PIP4K2B: variants seen among roughly 807,000 people sequenced by gnomAD.
PIP4K2B encodes the protein phosphatidylinositol-5-phosphate 4-kinase type 2 beta, also known as phosphatidylinositol 5-phosphate 4-kinase type-2 beta.
In PIP4K2B, 3 loss-of-function variants were observed where a neutral mutation model predicts 42.0. That is an observed-to-expected ratio of 0.07 (90% confidence interval 0.03 to 0.18). PIP4K2B has a LOEUF of 0.18. PIP4K2B is among the 10% of genes least tolerant of loss of function. PIP4K2B has a pLI of 1.00. For synonymous variants in PIP4K2B, 204 were observed against 210.1 expected (o/e 0.97, Z 0.25); for missense variants, 332 against 562.3 (o/e 0.59, Z 4.14).
At chr17:38,796,371 G>A (rs1910662735) in intron 1 of PIP4K2B, among the ~76,000 whole-genome samples, 1 of 152,134 alleles carries the variant, frequency 6.6e-6, no homozygotes, top group Non-Finnish European at 1.5e-5. Context: ...TCTGATCCCT[G>A]TGGTAAGGCT....
At chr17:38,790,651 G>T (rs1212542775) in intron 1 of PIP4K2B, among the ~76,000 whole-genome samples, 1 of 152,128 alleles carries the variant, frequency 6.6e-6, no homozygotes, top group Admixed American at 6.6e-5. Context: ...TAAAGATGGG[G>T]TTTCACCATG....
intron 1 of PIP4K2B, among the ~76,000 whole-genome samples, chr17:38,795,115 A>AG (rs1910581057): frequency 6.6e-6 from 1 of 150,698 alleles, no homozygotes; most frequent in East Asian, 1.9e-4. Context: ...AAAAAAAAAA[A>AG]AAAAAAAAAG....
intron 7 of PIP4K2B, among the ~76,000 whole-genome samples, chr17:38,776,995 C>T (rs1410306494): frequency 6.6e-6 from 1 of 152,130 alleles, no homozygotes; most frequent in Non-Finnish European, 1.5e-5. Context: ...CTGCCAGGCT[C>T]CAGTGATCCT....
At chr17:38,793,239 A>AT (rs1350888965) in intron 1 of PIP4K2B, among the ~76,000 whole-genome samples, 25 of 120,562 alleles carry the variant, frequency 2.1e-4, no homozygotes, top group African/African-American at 5.3e-4. Context: ...ATCTCTGAAG[A>AT]TTTTTTCTTT....
At chr17:38,786,621 T>C (rs1327441440) in intron 2 of PIP4K2B, among the ~76,000 whole-genome samples, 2 of 152,200 alleles carry the variant, frequency 1.3e-5, no homozygotes, top group African/African-American at 4.8e-5. Context: ...AGGCTGATAA[T>C]AGAGTGAGAC....
intron 1 of PIP4K2B, among the ~76,000 whole-genome samples, chr17:38,795,099 C>CAAAAAAAAAAA (rs61707682): frequency 3.9e-4 from 16 of 41,492 alleles, no homozygotes; most frequent in African/African-American, 4.3e-4. Flanking sequence ...AACTCCATCT[C>CAAAAAAAAAAA]AAAAAAAAAA....
chr17:38,788,177 A>AATTTATTTATTT (rs56975985), intron 1 of PIP4K2B, among the ~76,000 whole-genome samples: 389 of 144,418 alleles, frequency 2.7e-3, no homozygotes, highest in East Asian at 6.5e-3. Flanking sequence ...TAATAGATTA[A>AATTTATTTATTT]ATTTATTTAT....
chr17:38,777,111 C>A (rs1444554311), intron 7 of PIP4K2B, among the ~76,000 whole-genome samples: 1 of 152,164 alleles, frequency 6.6e-6, no homozygotes, highest in Non-Finnish European at 1.5e-5. Context: ...GTTGCCCAGG[C>A]TGGAGTGTAG....
At chr17:38,796,364 G>A (rs1910662352) in intron 1 of PIP4K2B, among the ~76,000 whole-genome samples, 1 of 152,124 alleles carries the variant, frequency 6.6e-6, no homozygotes, top group African/African-American at 2.4e-5. Flanking sequence ...CTGCTCCTCT[G>A]ATCCCTGTGG....
chr17:38,793,925 A>G (rs760719999), intron 1 of PIP4K2B, among the ~76,000 whole-genome samples: 1 of 152,178 alleles, frequency 6.6e-6, no homozygotes, highest in South Asian at 2.1e-4. Flanking sequence ...TGGACAGAAC[A>G]GAACTGGGGT....
chr17:38,787,434 C>T (rs1910092275), intron 1 of PIP4K2B, among the ~76,000 whole-genome samples: 1 of 152,208 alleles, frequency 6.6e-6, no homozygotes, highest in African/African-American at 2.4e-5. Context: ...ATGAAGTTTT[C>T]CAAGATTCTC....
At chr17:38,773,854 AC>A (rs1460455646) in intron 7 of PIP4K2B, among the ~76,000 whole-genome samples, 1 of 152,194 alleles carries the variant, frequency 6.6e-6, no homozygotes. Context: ...CATGCCCTCC[AC>A]CCACCTGAGA....
chr17:38,777,359 T>C (rs918129032), intron 7 of PIP4K2B, among the ~76,000 whole-genome samples: 2 of 152,178 alleles, frequency 1.3e-5, no homozygotes, highest in Non-Finnish European at 2.9e-5. Flanking sequence ...AATAGCTGGG[T>C]TCCTACAGCT....
intron 3 of PIP4K2B, among the ~76,000 whole-genome samples, chr17:38,781,138 C>T (rs1012318447): frequency 3.3e-5 from 5 of 152,048 alleles, no homozygotes; most frequent in South Asian, 4.2e-4. Flanking sequence ...CTGGATCTAC[C>T]CTAATGCTGA....
chr17:38,774,480 C>A (rs769047461), intron 7 of PIP4K2B, among the ~76,000 whole-genome samples: 1 of 152,068 alleles, frequency 6.6e-6, no homozygotes, highest in Non-Finnish European at 1.5e-5. Flanking sequence ...TAAAATAAAT[C>A]TCTTAGGGCC....
intron 1 of PIP4K2B, among the ~76,000 whole-genome samples, chr17:38,797,486 A>ACC (rs1384428226): frequency 6.6e-6 from 1 of 152,138 alleles, no homozygotes; most frequent in Non-Finnish European, 1.5e-5. Flanking sequence ...CTCAGGCACC[A>ACC]CCCTTGGCCG....
chr17:38,776,353 A>T (rs928906199), intron 7 of PIP4K2B, among the ~76,000 whole-genome samples: 2 of 152,276 alleles, frequency 1.3e-5, no homozygotes, highest in Middle Eastern at 3.4e-3. Context: ...GGGGTTAGGG[A>T]GGGGGAATTG....
intron 9 of PIP4K2B, 64 bp from the exon 10 acceptor site, chr17:38,769,835 G>C (rs537074280): frequency 7.0e-5 from 100 of 1,428,952 alleles, no homozygotes; most frequent in African/African-American, 3.9e-4. Context: ...GCTGCACATG[G>C]GGGGAGCCAG....
chr17:38,799,282 C>T lies in PIP4K2B; in HGVS notation c.143G>A (p.Trp48Ter). The T allele has an allele frequency of 1.2e-6, 2 of 1,603,808 alleles. No individual in the cohort carries two copies. Among genetic ancestry groups the T allele is most frequent in the Non-Finnish European group, 8.5e-7 (1 of 1,176,210 alleles). The change falls in exon 1 of 10, where the codon TGG becomes TAG. Residue 48 changes from tryptophan (W) to a stop codon, truncating the protein, a stop_gained. Transcript: ENST00000619039. LOFTEE classifies it high-confidence loss of function. This position sits in a 1 kb window ranked among gnomAD's most constrained non-coding sequence, Gnocchi z 4.4. ...GCTGGTTACCGTGTGGTTCACCCCCCACATCAGGACGCTGAGGATCGGCTC... is the reference window on the plus strand; with the variant it reads ...GCTGGTTACCGTGTGGTTCACCCCCTACATCAGGACGCTGAGGATCGGCTC... ...ASEPILSVLM[W>*]GVNHTINELS...
Sources: gnomAD v4.1 joint callset for allele counts (sites outside exome capture counted in the v4.1 genomes callset) on GRCh38, gnomAD v4.1.1 for gene constraint, Gnocchi (gnomAD v3.1) non-coding constraint, MANE v1.5 for transcripts, NCBI Gene and HGNC (gene_info 2026-07-23, HGNC 2026-07-21) for gene names.